The following TSTD1 variants were observed in gnomAD, a reference collection of about 807,000 sequenced individuals.
TSTD1 encodes the protein thiosulfate:glutathione sulfurtransferase.
Under a neutral mutation model 12.6 loss-of-function variants are expected in TSTD1, and 7 were observed. The ratio of observed to expected loss-of-function variants is 0.55; its 90% CI spans 0.32 to 1.04. The LOEUF is 1.04. Ranked by LOEUF, TSTD1 falls within the 50% of genes least tolerant of loss-of-function variation. The pLI, the probability that TSTD1 is intolerant of heterozygous loss-of-function variation, is 0.05. For synonymous variants in TSTD1, 73 were observed against 59.7 expected (o/e 1.22, Z -1.03); for missense variants, 156 against 151.0 (o/e 1.03, Z -0.17).
Position 161,038,942 on chromosome 1 carries a change from G to A in TSTD1, c.-53C>T. The A allele has an allele frequency of 2.6e-6, 4 of 1,547,382 alleles. No homozygotes were observed. The highest frequency in any genetic ancestry group is 3.5e-6 in the Non-Finnish European group (4 of 1,143,734). ...GAGTGCGGCCCTGGCCCGCCCTCTC[G>A]GCGCCTGCAACATCTCCCGTTCCCT... On this transcript the variant is annotated 5_prime_UTR_variant, in exon 1 of 4. Transcript: ENST00000423014.
chr1:161,038,585 T>A lies in TSTD1; in HGVS notation c.99A>T (p.Ala33=). The A allele has an allele frequency of 6.5e-7, 1 of 1,549,938 alleles. No homozygotes were observed. The highest frequency in any genetic ancestry group is 8.7e-7 in the Non-Finnish European group (1 of 1,145,634). The part of the protein sequence containing the change: ...LFDVRSREEA[A]AGTIPGALNI... ...TGAGCGCCCCTGGGATGGTCCCAGC[T>A]GCCGCCTCCTCGCGAGAGCGCACGT... The change falls in exon 2 of 4, where the codon GCA becomes GCT. Residue 33 remains alanine (A), a synonymous_variant. Transcript: ENST00000423014.
Position 161,037,635 on chromosome 1 carries a change from A to T in TSTD1, c.*140T>A. 1.1e-6 allele frequency: 1 copy of T among 935,582 alleles called. No individual in the cohort carries two copies. Among genetic ancestry groups the T allele is most frequent in the Admixed American group, 2.4e-5 (1 of 41,202 alleles). The allele number at this position is 935,582 out of a possible 1,614,324, so 58.0% of individuals were successfully genotyped here. A position where few individuals can be genotyped will look rare whatever the true frequency, so the allele number is the denominator to read the frequency against. Reference sequence around the variant, plus strand: ...CACATTAAGTGCTTCCAATACTTTGATTAAATGTTCTTTATTTGATGCTTT... The same window carrying T: ...CACATTAAGTGCTTCCAATACTTTGTTTAAATGTTCTTTATTTGATGCTTT... On this transcript the variant is annotated 3_prime_UTR_variant, in exon 4 of 4. Coordinates refer to ENST00000423014, the MANE Select transcript of TSTD1 (RefSeq NM_001113207.2).
rs112999515 is a variant in TSTD1, at chr1:161,037,674, C to T, written c.*101G>A. The T allele has an allele frequency of 1.6e-6, 2 of 1,248,312 alleles. No homozygotes were observed. The highest frequency in any genetic ancestry group is 3.0e-5 in the African/African-American group (2 of 66,794). 77.3% of individuals were successfully genotyped at this position (1,248,312 alleles called of 1,614,324 possible). A position where few individuals can be genotyped will look rare whatever the true frequency, so the allele number is the denominator to read the frequency against. On this transcript the variant is annotated 3_prime_UTR_variant, in exon 4 of 4. Transcript: ENST00000423014. ...ATTTGATGCTTTTGTGTGCACAACA[C>T]TATAAGGAGTTGCCCAATTCACCAA...
In TSTD1 at chr1:161,037,909, G is replaced by C; in HGVS notation, c.296+4C>G. 3.2e-6 allele frequency: 5 copies of C among 1,551,816 alleles called. No homozygotes were observed. The highest frequency in any genetic ancestry group is 4.4e-6 in the Non-Finnish European group (5 of 1,147,014). The stretch of plus-strand genomic sequence containing the variant: ...TCCCAGCTAGCAGCCACACCTCCCC[G>C]TACCCAGTGTATCCAAGACTCCGGG... On this transcript the variant is annotated splice_donor_region_variant and intron_variant, in intron 3 of 3. Coordinates refer to ENST00000423014, the MANE Select transcript of TSTD1 (RefSeq NM_001113207.2).
chr1:161,038,647 G>A lies in TSTD1; in HGVS notation c.37C>T (p.Arg13Cys), dbSNP rs890242311. 1 of 1,549,412 alleles carries A rather than the reference G, an allele frequency of 6.5e-7. No homozygotes were observed. The highest frequency in any genetic ancestry group is 1.4e-5 in the African/African-American group (1 of 73,018). Residue 13 changes from arginine to cysteine, a missense_variant, in exon 2 of 4, where the codon CGT (arginine) becomes TGT (cysteine). By Grantham distance (180) the Arg-to-Cys change is radical. Transcript: ENST00000423014. ...GCCCGTCCGGAGGCTAGGAGTGAAC[G>A]GAGTTCAGGAAGCGAGACCGTGGGC... ...GAPTVSLPEL[R>C]SLLASGRARL...
intron 1 of TSTD1, 48 bp from the exon 2 acceptor site, chr1:161,038,721 A>C (rs1571041364): frequency 1.3e-6 from 2 of 1,526,738 alleles, no homozygotes; most frequent in Non-Finnish European, 1.8e-6. Context: ...CCTAGGAGTC[A>C]CGGCCGCCAT....
At position 161,037,988 on chromosome 1, in the gene TSTD1, T is replaced by C. The variant is rs1056394523; in HGVS notation, c.221A>G (p.His74Arg). ...SAEKPKLEDE[H>R]LVFFCQMGKR... ...GCCCATCTGACAGAAGAAAACGAGA[T>C]GCTCATCTTCCAGCTTTGGCTTCTC... is the stretch of plus-strand genomic sequence containing the variant. The change falls in exon 3 of 4, where the codon CAT (histidine) becomes CGT (arginine). Residue 74 changes from histidine (H) to arginine (R), a missense_variant. By Grantham distance (29) the His-to-Arg change is conservative. Coordinates refer to ENST00000423014, the MANE Select transcript of TSTD1 (RefSeq NM_001113207.2). 1 of 1,551,760 alleles carries C rather than the reference T, an allele frequency of 6.4e-7. No individual in the cohort carries two copies. Among genetic ancestry groups the C allele is most frequent in the Non-Finnish European group, 8.7e-7 (1 of 1,147,008 alleles).
intron 1 of TSTD1, 95 bp downstream of exon 1, chr1:161,038,785 T>A: frequency 2.0e-6 from 3 of 1,520,748 alleles, no homozygotes; most frequent in East Asian, 5.0e-5. Context: ...CGAAGACCCC[T>A]CAGCCACGCC....
chr1:161,037,707 C>T lies in TSTD1; in HGVS notation c.*68G>A. The T allele has an allele frequency of 1.3e-6, 2 of 1,522,664 alleles. No homozygotes were observed. Among genetic ancestry groups the T allele is most frequent in the Non-Finnish European group, 1.8e-6 (2 of 1,121,664 alleles). 94.3% of individuals were successfully genotyped at this position (1,522,664 alleles called of 1,614,324 possible). ...AGTTGCCCAATTCACCAAGTCAGCCCGTTCACACCCTTAGTTAAGGTGGCC... is the reference window on the plus strand; with the variant it reads ...AGTTGCCCAATTCACCAAGTCAGCCTGTTCACACCCTTAGTTAAGGTGGCC... On this transcript the variant is annotated 3_prime_UTR_variant, in exon 4 of 4. Coordinates refer to ENST00000423014, the MANE Select transcript of TSTD1 (RefSeq NM_001113207.2).
Position 161,038,597 on chromosome 1 carries a change from G to A in TSTD1, c.87C>T (p.Arg29=). 3 of 1,550,244 alleles carry A rather than the reference G, an allele frequency of 1.9e-6. No individual in the cohort carries two copies. The highest frequency in any genetic ancestry group is 1.4e-5 in the African/African-American group (1 of 73,146). Residue 29 remains arginine (R), a synonymous_variant, in exon 2 of 4, where the codon CGC becomes CGT. Transcript: ENST00000423014. Reference sequence around the variant, plus strand: ...GGATGGTCCCAGCTGCCGCCTCCTCGCGAGAGCGCACGTCGAAGAGCCGGG... The same window carrying A: ...GGATGGTCCCAGCTGCCGCCTCCTCACGAGAGCGCACGTCGAAGAGCCGGG... The part of the protein sequence containing the change: ...GRARLFDVRS[R]EEAAAGTIPG...
At chr1:161,038,829 T>C in intron 1 of TSTD1, 51 bp downstream of exon 1, 1 of 1,539,766 alleles carries the variant, frequency 6.5e-7, no homozygotes, top group South Asian at 1.2e-5. Context: ...CTGCCACGCC[T>C]CAACCCAGAG....
chr1:161,038,726 C>T (rs1342005143), intron 1 of TSTD1, 53 bp from the exon 2 acceptor site: 1 of 1,524,636 alleles, frequency 6.6e-7, no homozygotes, highest in Non-Finnish European at 8.9e-7. Context: ...GAGTCACGGC[C>T]GCCATGGCAT....
In TSTD1 at chr1:161,038,929, G is replaced by T; in HGVS notation, c.-40C>A. 1 of 1,548,732 alleles carries T rather than the reference G, an allele frequency of 6.5e-7. No individual in the cohort carries two copies. Among genetic ancestry groups the T allele is most frequent in the Non-Finnish European group, 8.7e-7 (1 of 1,144,808 alleles). ...CCGCGAGTCTCCGGAGTGCGGCCCTGGCCCGCCCTCTCGGCGCCTGCAACA... is the reference window on the plus strand; with the variant it reads ...CCGCGAGTCTCCGGAGTGCGGCCCTTGCCCGCCCTCTCGGCGCCTGCAACA... On this transcript the variant is annotated 5_prime_UTR_variant, in exon 1 of 4. Transcript: ENST00000423014.
chr1:161,038,162 G>C lies in TSTD1; in HGVS notation c.134-87C>G, dbSNP rs1157124591. ...GGCCTGGAAGGGCTGGGTCCTGGGG[G>C]CCCCCAAACAACATATGATAACCAT... On this transcript the variant is annotated intron_variant, in intron 2 of 3. Transcript: ENST00000423014. 5 of 1,372,014 alleles carry C rather than the reference G, an allele frequency of 3.6e-6. 1 individual carries two copies. In the Admixed American group the frequency reaches 9.7e-5, roughly 27 times the overall value. 85.0% of individuals were successfully genotyped at this position (1,372,014 alleles called of 1,614,324 possible). A position where few individuals can be genotyped will look rare whatever the true frequency, so the allele number is the denominator to read the frequency against.
At chr1:161,038,443 C>A (rs898346575) in intron 2 of TSTD1, 108 bp downstream of exon 2, 3 of 1,306,728 alleles carry the variant, frequency 2.3e-6, no homozygotes, top group African/African-American at 3.0e-5. Context: ...ATGCAGGACC[C>A]CCATAATCAG....
intron 1 of TSTD1, 81 bp downstream of exon 1, chr1:161,038,799 T>G: frequency 6.6e-7 from 1 of 1,524,230 alleles, no homozygotes; most frequent in African/African-American, 1.4e-5. Context: ...CCACGCCCCT[T>G]CGCTCCGCCA....
chr1:161,038,503 T>A, intron 2 of TSTD1, 48 bp downstream of exon 2: 1 of 1,494,344 alleles, frequency 6.7e-7, no homozygotes, highest in Non-Finnish European at 9.0e-7. Flanking sequence ...AAGAACCTCC[T>A]GAACGGTCTC....
In TSTD1 at chr1:161,038,079, G is replaced by A. The variant is rs528878985; in HGVS notation, c.134-4C>T. The stretch of plus-strand genomic sequence containing the variant: ...AGAGCACTCTCCAACTCGGACACTG[G>A]AGGAGTGGAGAGGGTAGAAGGGAAA... On this transcript the variant is annotated splice_region_variant and splice_polypyrimidine_tract_variant and intron_variant, in intron 2 of 3. Transcript: ENST00000423014. 4 of 1,551,104 alleles carry A rather than the reference G, an allele frequency of 2.6e-6. No individual in the cohort carries two copies. The African/African-American group carries it at 4.1e-5, about 16-fold the overall frequency.
chr1:161,038,573 G>C lies in TSTD1; in HGVS notation c.111C>G (p.Ile37Met). 6.5e-7 allele frequency: 1 copy of C among 1,549,496 alleles called. No individual in the cohort carries two copies. ...TACCCGGGATGTTGAGCGCCCCTGG[G>C]ATGGTCCCAGCTGCCGCCTCCTCGC... ...RSREEAAAGT[I>M]PGALNIPVSE... is the part of the protein sequence containing the mutation. Residue 37 changes from isoleucine to methionine, a missense_variant, in exon 2 of 4, where the codon ATC (isoleucine) becomes ATG (methionine). Transcript: ENST00000423014.
Sources: allele counts gnomAD v4.1 joint callset, GRCh38; gene constraint gnomAD v4.1.1; transcripts MANE v1.5; gene names NCBI Gene and HGNC (gene_info 2026-07-23, HGNC 2026-07-21).